Variants in GLYR1 observed in about 807,000 individuals in gnomAD.
GLYR1 encodes glyoxylate reductase 1 homolog.
In GLYR1, 21 loss-of-function variants were observed where a neutral mutation model predicts 72.7. That is an observed-to-expected ratio of 0.29 (90% CI 0.20 to 0.42). GLYR1 has a LOEUF of 0.42. Ranked by LOEUF, GLYR1 falls within the 10% of genes least tolerant of loss-of-function variation. GLYR1 has a pLI of 1.00. For missense variants in GLYR1, 594 were observed against 712.1 expected, an observed-to-expected ratio of 0.83 and a Z score of 1.89; for synonymous variants, 392 against 270.2, an observed-to-expected ratio of 1.45 and a Z score of -4.42.
At chr16:4,807,932 A>G (rs769760128) in intron 15 of GLYR1, among the ~76,000 whole-genome samples, 12 of 152,220 alleles carry the variant, frequency 7.9e-5, no homozygotes, top group Non-Finnish European at 1.3e-4. Flanking sequence ...GACAAGAGAC[A>G]GAAGACAGAA....
intron 15 of GLYR1, 82 bp downstream of exon 15, chr16:4,811,088 G>C (rs2083299721): frequency 6.6e-7 from 1 of 1,516,672 alleles, no homozygotes; most frequent in Non-Finnish European, 8.8e-7. Flanking sequence ...CTGGGTGACA[G>C]AGTGAGACTC....
intron 5 of GLYR1, among the ~76,000 whole-genome samples, chr16:4,829,643 A>C (rs2084659146): frequency 6.7e-6 from 1 of 148,540 alleles, no homozygotes; most frequent in South Asian, 2.2e-4. Flanking sequence ...CACACCACCA[A>C]CCCCAGCTAA....
chr16:4,844,986 A>C, intron 3 of GLYR1, 88 bp downstream of exon 3: 1 of 858,240 alleles, frequency 1.2e-6, no homozygotes, highest in East Asian at 2.4e-5. Context: ...GACTGAACTA[A>C]GGATCCTTAG....
intron 3 of GLYR1, chr16:4,843,561 C>T (rs1175143181): frequency 1.6e-6 from 2 of 1,289,150 alleles, no homozygotes; most frequent in Non-Finnish European, 2.0e-6. Flanking sequence ...CCACCACAGG[C>T]TGCTAAGCTG....
intron 6 of GLYR1, 38 bp downstream of exon 6, chr16:4,823,783 A>G: frequency 8.4e-6 from 13 of 1,548,212 alleles, no homozygotes; most frequent in Non-Finnish European, 1.1e-5. Context: ...ACCTCGCCCT[A>G]AGCCACAGCT....
At chr16:4,834,204 G>T (rs1370955282) in intron 3 of GLYR1, among the ~76,000 whole-genome samples, 2 of 152,120 alleles carry the variant, frequency 1.3e-5, no homozygotes, top group Non-Finnish European at 2.9e-5. Context: ...ACCACTATCA[G>T]GCATGCCACC....
chr16:4,815,845 G>A (rs1288993022), intron 10 of GLYR1, among the ~76,000 whole-genome samples: 3 of 151,734 alleles, frequency 2.0e-5, no homozygotes, highest in East Asian at 1.9e-4. Flanking sequence ...GCAGTGGCAC[G>A]ATCTCAGCTC....
intron 3 of GLYR1, among the ~76,000 whole-genome samples, chr16:4,841,723 T>C (rs2085569348): frequency 6.6e-6 from 1 of 151,908 alleles, no homozygotes; most frequent in Non-Finnish European, 1.5e-5. Context: ...TGAGACTGAG[T>C]TCCCATTTTT....
rs1683540038 is a variant in GLYR1 at position 4,813,608 on chromosome 16, G to A, written c.1119+129C>T. On this transcript the variant is annotated intron_variant, in intron 12 of 15. Coordinates refer to ENST00000321919, the MANE Select transcript of GLYR1 (RefSeq NM_032569.4). ...GGAGCACGGGATAGGCTAGTCCCAAGGCTACTCGCCTCTCCTCTTCCCTCT... is the reference window on the plus strand; with the variant it reads ...GGAGCACGGGATAGGCTAGTCCCAAAGCTACTCGCCTCTCCTCTTCCCTCT... The A allele has an allele frequency of 1.9e-5, 15 of 782,950 alleles. No homozygotes were observed. The South Asian group carries it at 2.3e-4, about 12-fold the overall frequency. The allele number at this position is 782,950 out of a possible 1,614,324, so 48.5% of individuals were successfully genotyped here.
At chr16:4,822,817 G>T in intron 7 of GLYR1, 58 bp downstream of exon 7, 3 of 1,413,006 alleles carry the variant, frequency 2.1e-6, no homozygotes, top group Non-Finnish European at 3.0e-6. Context: ...GGACCCAGTG[G>T]AGGAGCACTC....
intron 3 of GLYR1, chr16:4,843,525 A>ACTG: frequency 1.6e-6 from 2 of 1,287,956 alleles, no homozygotes; most frequent in South Asian, 2.5e-5. Context: ...CCACAGCTCC[A>ACTG]GGCCAGCGAT....
rs11865662 is a variant in GLYR1, at chr16:4,814,546, C to G, written c.1008G>C (p.Ala336=). 1 of 1,613,270 alleles carries G rather than the reference C, an allele frequency of 6.2e-7. No homozygotes were observed. Among genetic ancestry groups the G allele is most frequent in the Non-Finnish European group, 8.5e-7 (1 of 1,179,946 alleles). ...ITFACVSDPK[A]AKDLVLGPSG... ...GGGAGGGGGTCCTTACGTCCTTGGC[C>G]GCCTTGGGATCCGACACGCAGGCGA... The change falls in exon 11 of 16, where the codon GCG becomes GCC. Residue 336 remains alanine, a synonymous_variant. Coordinates refer to ENST00000321919, the MANE Select transcript of GLYR1 (RefSeq NM_032569.4).
intron 12 of GLYR1, among the ~76,000 whole-genome samples, chr16:4,813,463 A>G (rs559669414): frequency 6.6e-6 from 1 of 152,118 alleles, no homozygotes; most frequent in Non-Finnish European, 1.5e-5. Flanking sequence ...TCAAACCCCA[A>G]TGCCAGGCGG....
At chr16:4,818,529 C>T (rs1490607598) in intron 9 of GLYR1, among the ~76,000 whole-genome samples, 2 of 152,160 alleles carry the variant, frequency 1.3e-5, no homozygotes, top group Non-Finnish European at 1.5e-5. Context: ...GGGATCCGCC[C>T]ACCTCAGCCT....
chr16:4,814,882 T>G (rs140689737), intron 10 of GLYR1, among the ~76,000 whole-genome samples: 62 of 152,254 alleles, frequency 4.1e-4, no homozygotes, highest in African/African-American at 1.4e-3. Context: ...GCTTCACAAG[T>G]GTCTGCTGAA....
intron 12 of GLYR1, among the ~76,000 whole-genome samples, chr16:4,812,589 T>C (rs2141956625): frequency 6.7e-6 from 1 of 148,652 alleles, no homozygotes; most frequent in East Asian, 2.0e-4. Flanking sequence ...GCCTCGCGGG[T>C]TCATGCCATT....
At position 4,803,211 on chromosome 16, in the gene GLYR1, CAAG is replaced by C. The variant is rs1395095870; in HGVS notation, c.*2022_*2024del. ...GACTCCTGCGGCACAGCTGTGTTAC[CAAG>C]AAGTGTTTTATTTTTCTTGCAGTAG... On this transcript the variant is annotated 3_prime_UTR_variant, in exon 16 of 16. Coordinates refer to ENST00000321919, the MANE Select transcript of GLYR1 (RefSeq NM_032569.4). The C allele has an allele frequency of 2.6e-5, 4 of 152,670 alleles. No homozygotes were observed. The highest frequency in any genetic ancestry group is 1.9e-4 in the East Asian group (1 of 5,192). 9.5% of individuals were successfully genotyped at this position (152,670 alleles called of 1,614,324 possible). A position where few individuals can be genotyped will look rare whatever the true frequency, so the allele number is the denominator to read the frequency against.
intron 1 of GLYR1, among the ~76,000 whole-genome samples, chr16:4,846,462 A>T (rs1188890853): frequency 6.6e-6 from 1 of 152,242 alleles, no homozygotes; most frequent in Admixed American, 6.5e-5. Flanking sequence ...ACTTGTCTAG[A>T]GCTTCTTAAT....
intron 15 of GLYR1, among the ~76,000 whole-genome samples, chr16:4,808,592 C>G (rs989894180): frequency 6.7e-6 from 1 of 149,650 alleles, no homozygotes; most frequent in Non-Finnish European, 1.5e-5. Flanking sequence ...GGGTGAAACT[C>G]GGTCTCTAAA....
Sources: allele counts gnomAD v4.1 joint callset (sites outside exome capture counted in the v4.1 genomes callset), GRCh38; gene constraint gnomAD v4.1.1; transcripts MANE v1.5; gene names NCBI Gene and HGNC (gene_info 2026-07-23, HGNC 2026-07-21).